Variants in CFAP263 observed in about 807,000 individuals in gnomAD.
CFAP263 encodes the protein cilia- and flagella-associated protein 263.
chr16:58,266,395 ATATATATATATTTTTTTT>A, the CFAP263 span, among the ~76,000 whole-genome samples: 2 of 36,486 alleles, frequency 5.5e-5, no homozygotes, highest in South Asian at 9.6e-4. Flanking sequence ...ATATATATAT[ATATATATATATTTTTTTT>A]TTTTTTTTTT....
the CFAP263 span, among the ~76,000 whole-genome samples, chr16:58,254,609 C>CTT: frequency 3.9e-4 from 57 of 144,992 alleles, no homozygotes; most frequent in East Asian, 6.2e-3. Context: ...ACAGTAATTT[C>CTT]TTTTTTTTTT....
the CFAP263 span, chr16:58,253,002 G>A: frequency 2.7e-6 from 2 of 745,794 alleles, no homozygotes; most frequent in East Asian, 5.4e-5. Context: ...TTGCCCTCTA[G>A]GGTTTCTCTT....
the CFAP263 span, among the ~76,000 whole-genome samples, chr16:58,257,314 G>T: frequency 1.8e-5 from 2 of 112,224 alleles, no homozygotes; most frequent in African/African-American, 2.7e-5. Context: ...ACCGCGCCCA[G>T]CCTGCATATA....
the CFAP263 span, among the ~76,000 whole-genome samples, chr16:58,273,552 T>C: frequency 6.6e-6 from 1 of 152,194 alleles, no homozygotes; most frequent in Admixed American, 6.5e-5. Context: ...TCTACCTCTT[T>C]GTTGATTTTC....
the CFAP263 span, chr16:58,282,316 T>C: frequency 6.6e-6 from 1 of 152,306 alleles, no homozygotes; most frequent in Non-Finnish European, 1.5e-5. Context: ...AATTTCTGTA[T>C]TTTTAGTAGA....
At chr16:58,261,342 A>T in the CFAP263 span, among the ~76,000 whole-genome samples, 1 of 152,164 alleles carries the variant, frequency 6.6e-6, no homozygotes, top group Non-Finnish European at 1.5e-5. Flanking sequence ...CTGTCTGCAG[A>T]TCATCAGTTC....
chr16:58,283,079 T>C, the CFAP263 span: 5,776 of 152,376 alleles, frequency 0.038, 159 homozygotes, highest in East Asian at 0.08. Context: ...GTGGGGTCTT[T>C]CATTTTGTGA....
At chr16:58,252,380 T>C in the CFAP263 span, among the ~76,000 whole-genome samples, 2 of 151,422 alleles carry the variant, frequency 1.3e-5, no homozygotes, top group African/African-American at 4.8e-5. Context: ...ATATAATATA[T>C]AGTAATTCAG....
At chr16:58,265,277 A>G in the CFAP263 span, among the ~76,000 whole-genome samples, 1 of 152,228 alleles carries the variant, frequency 6.6e-6, no homozygotes, top group Non-Finnish European at 1.5e-5. Flanking sequence ...CAGTTGATCT[A>G]AAGACAGGGA....
At chr16:58,272,477 A>G in the CFAP263 span, among the ~76,000 whole-genome samples, 1 of 152,330 alleles carries the variant, frequency 6.6e-6, no homozygotes, top group East Asian at 1.9e-4. Context: ...CCTACTACAC[A>G]CCTAGGCTAC....
At chr16:58,255,932 G>C in the CFAP263 span, among the ~76,000 whole-genome samples, 5 of 152,180 alleles carry the variant, frequency 3.3e-5, no homozygotes, top group Non-Finnish European at 5.9e-5. Flanking sequence ...ATATAGTAGT[G>C]TCTCTTAGTG....
chr16:58,267,931 A>G, the CFAP263 span, among the ~76,000 whole-genome samples: 2 of 152,038 alleles, frequency 1.3e-5, no homozygotes, highest in Non-Finnish European at 2.9e-5. Context: ...TGCCCGTAGT[A>G]ATGTACCTGA....
the CFAP263 span, chr16:58,259,752 C>A: frequency 1.6e-6 from 1 of 631,128 alleles, no homozygotes; most frequent in Non-Finnish European, 2.7e-6. Context: ...AATGTTAGGG[C>A]TCAAGGTTTG....
the CFAP263 span, among the ~76,000 whole-genome samples, chr16:58,255,233 G>A: frequency 6.6e-6 from 1 of 152,214 alleles, no homozygotes; most frequent in Admixed American, 6.5e-5. Flanking sequence ...AAAGAACCTG[G>A]AGTCTGATGT....
chr16:58,279,707 A>G, the CFAP263 span: 38 of 1,607,072 alleles, frequency 2.4e-5, no homozygotes, highest in Non-Finnish European at 3.1e-5. Flanking sequence ...TTAAAAGGCC[A>G]TCGTAAGGCT....
At chr16:58,273,493 T>A in the CFAP263 span, among the ~76,000 whole-genome samples, 2 of 152,234 alleles carry the variant, frequency 1.3e-5, no homozygotes, top group Admixed American at 6.5e-5. Flanking sequence ...TTCATTTTAG[T>A]CATCATATTG....
chr16:58,253,886 G>A, the CFAP263 span: 66 of 1,106,488 alleles, frequency 6.0e-5, no homozygotes, highest in African/African-American at 8.1e-4. Context: ...GTTCTCCCTG[G>A]CTGTCACTCT....
chr16:58,266,238 C>G, the CFAP263 span, among the ~76,000 whole-genome samples: 1 of 151,652 alleles, frequency 6.6e-6, no homozygotes, highest in African/African-American at 2.4e-5. Flanking sequence ...TTCACTTTGA[C>G]TGTGGCCCTG....
At chr16:58,265,288 G>C in the CFAP263 span, among the ~76,000 whole-genome samples, 3 of 152,240 alleles carry the variant, frequency 2.0e-5, no homozygotes, top group Non-Finnish European at 4.4e-5. Context: ...AAGACAGGGA[G>C]ATCACCCACT....
Sources: gnomAD v4.1 joint callset for allele counts (sites outside exome capture counted in the v4.1 genomes callset) on GRCh38, gnomAD v4.1.1 for gene constraint, MANE v1.5 for transcripts, NCBI Gene and HGNC (gene_info 2026-07-23, HGNC 2026-07-21) for gene names.